The following CTNNA2 variants were observed in gnomAD, a reference collection of about 807,000 sequenced individuals.
The protein encoded by CTNNA2 is catenin alpha 2.
CTNNA2 carries 42 observed loss-of-function variants against 101.0 expected under a neutral mutation model. That is an observed-to-expected ratio of 0.42 (90% confidence interval 0.32 to 0.54). The LOEUF is 0.54. Ranked by LOEUF, CTNNA2 falls within the 20% of genes least tolerant of loss-of-function variation. CTNNA2 has a pLI of 0.14. For missense variants in CTNNA2, 871 were observed against 1,223.1 expected (o/e 0.71, Z 4.29); for synonymous variants, 450 against 456.4 (o/e 0.99, Z 0.18).
intron 5 of CTNNA2, among the ~76,000 whole-genome samples, chr2:79,871,653 C>T (rs1202682241): frequency 6.6e-6 from 1 of 152,176 alleles, no homozygotes; most frequent in Admixed American, 6.5e-5. Context: ...CACTGGCTCA[C>T]ATGCCAGTCA....
At chr2:79,642,892 C>CT (rs1186576089) in intron 1 of CTNNA2, among the ~76,000 whole-genome samples, 1 of 151,176 alleles carries the variant, frequency 6.6e-6, no homozygotes, top group African/African-American at 2.4e-5. Context: ...CCTAGAGGTA[C>CT]TTTAAAAAAA....
chr2:80,464,281 C>G (rs1684679876), intron 9 of CTNNA2, among the ~76,000 whole-genome samples: 1 of 152,130 alleles, frequency 6.6e-6, no homozygotes, highest in Non-Finnish European at 1.5e-5. Context: ...ATGTTAATTC[C>G]AAATAATTTA....
chr2:79,771,319 C>A (rs907920932), intron 3 of CTNNA2, among the ~76,000 whole-genome samples: 1 of 152,216 alleles, frequency 6.6e-6, no homozygotes, highest in African/African-American at 2.4e-5. Context: ...CGGTCCCAAC[C>A]TTTCTGGCAC....
At chr2:79,709,739 G>A (rs1685623515) in intron 2 of CTNNA2, among the ~76,000 whole-genome samples, 1 of 152,076 alleles carries the variant, frequency 6.6e-6, no homozygotes, top group Non-Finnish European at 1.5e-5. Flanking sequence ...TCAGCAGGAA[G>A]TGGTAATGGA....
intron 9 of CTNNA2, among the ~76,000 whole-genome samples, chr2:80,457,260 C>T (rs990780228): frequency 6.6e-5 from 10 of 151,956 alleles, no homozygotes; most frequent in Non-Finnish European, 1.3e-4. Context: ...GATGGGATTT[C>T]GCCGTGTTGG....
chr2:79,500,489 C>T (rs895888594), intron 4 of CTNNA2, among the ~76,000 whole-genome samples: 2 of 152,164 alleles, frequency 1.3e-5, no homozygotes, highest in South Asian at 2.1e-4. Context: ...ATTGAAATTA[C>T]ACAGAATAAT....
At chr2:79,281,723 C>A (rs1390677694) in intron 2 of CTNNA2, among the ~76,000 whole-genome samples, 1 of 152,200 alleles carries the variant, frequency 6.6e-6, no homozygotes, top group Non-Finnish European at 1.5e-5. Context: ...ACAGCACACA[C>A]TTCATCAGCA....
intron 9 of CTNNA2, among the ~76,000 whole-genome samples, chr2:80,523,806 C>A (rs1391146135): frequency 1.3e-5 from 2 of 152,104 alleles, no homozygotes; most frequent in Non-Finnish European, 2.9e-5. Context: ...CAGAGGACAA[C>A]GTTTTAATAT....
intron 2 of CTNNA2, among the ~76,000 whole-genome samples, chr2:79,300,110 C>T (rs974817088): frequency 3.9e-5 from 6 of 152,106 alleles, no homozygotes; most frequent in African/African-American, 1.2e-4. Context: ...CAATATCATA[C>T]AGATTCATAC....
At chr2:79,915,013 A>C (rs532379427) in intron 7 of CTNNA2, among the ~76,000 whole-genome samples, 52 of 152,158 alleles carry the variant, frequency 3.4e-4, no homozygotes, top group African/African-American at 1.2e-3. Flanking sequence ...AATAGGATCT[A>C]AAAAGGTTAT....
At chr2:79,917,611 T>C (rs1000770371) in intron 7 of CTNNA2, among the ~76,000 whole-genome samples, 1 of 152,206 alleles carries the variant, frequency 6.6e-6, no homozygotes, top group Non-Finnish European at 1.5e-5. Flanking sequence ...GGGTTTTTTT[T>C]CTTACTTCCT....
intron 2 of CTNNA2, among the ~76,000 whole-genome samples, chr2:79,227,877 C>A (rs1029951402): frequency 6.6e-6 from 1 of 152,124 alleles, no homozygotes; most frequent in Non-Finnish European, 1.5e-5. Flanking sequence ...AAGCATAGTA[C>A]CCACCAAGTG....
At chr2:80,263,260 T>G (rs1672753899) in intron 7 of CTNNA2, among the ~76,000 whole-genome samples, 1 of 152,230 alleles carries the variant, frequency 6.6e-6, no homozygotes, top group African/African-American at 2.4e-5. Flanking sequence ...TATTAGATTT[T>G]GTTAAAACTA....
At chr2:80,617,216 G>T (rs1302656280) in intron 17 of CTNNA2, among the ~76,000 whole-genome samples, 1 of 151,602 alleles carries the variant, frequency 6.6e-6, no homozygotes, top group Non-Finnish European at 1.5e-5. Context: ...TTTTAAAACT[G>T]AGAAATTGTG....
At chr2:79,651,464 G>T in intron 1 of CTNNA2, 88 bp from the exon 2 acceptor site, 1 of 1,266,938 alleles carries the variant, frequency 7.9e-7, no homozygotes, top group Non-Finnish European at 1.1e-6. Context: ...TATGTTCTAA[G>T]TTTCAGTGAT....
chr2:80,489,613 A>G (rs1162021496), intron 9 of CTNNA2, among the ~76,000 whole-genome samples: 1 of 152,172 alleles, frequency 6.6e-6, no homozygotes, highest in Non-Finnish European at 1.5e-5. Context: ...TGAAAAGTGA[A>G]TGTTGGTAGG....
chr2:79,640,758 C>G (rs1000310188), intron 1 of CTNNA2, among the ~76,000 whole-genome samples: 1 of 152,116 alleles, frequency 6.6e-6, no homozygotes, highest in African/African-American at 2.4e-5. Flanking sequence ...ATTTAATCAA[C>G]AACATTTAGG....
chr2:79,573,056 C>G (rs144238489), intron 1 of CTNNA2, among the ~76,000 whole-genome samples: 1,805 of 152,216 alleles, frequency 0.012, 36 homozygotes, highest in African/African-American at 0.041. Flanking sequence ...ACGGCATTTC[C>G]TTGCCTTTTG....
intron 1 of CTNNA2, among the ~76,000 whole-genome samples, chr2:79,587,971 A>G (rs1676604108): frequency 6.6e-6 from 1 of 152,140 alleles, no homozygotes; most frequent in Admixed American, 6.5e-5. Flanking sequence ...TGTGATTCCT[A>G]GATTCATGAT....
Sources: gnomAD v4.1 joint callset for allele counts (sites outside exome capture counted in the v4.1 genomes callset) on GRCh38, gnomAD v4.1.1 for gene constraint, MANE v1.5 for transcripts, NCBI Gene and HGNC (gene_info 2026-07-23, HGNC 2026-07-21) for gene names.